Variants in ACTN4 observed in about 807,000 individuals in gnomAD.
ACTN4 encodes the protein alpha-actinin-4.
In ACTN4, 18 loss-of-function variants were observed where a neutral mutation model predicts 114.2. The observed-to-expected ratio is 0.16, with a 90% CI of 0.11 to 0.23. The LOEUF is 0.23. ACTN4 is among the 10% of genes least tolerant of loss of function. The pLI, the probability that ACTN4 is intolerant of heterozygous loss-of-function variation, is 1.00. For synonymous variants in ACTN4, 515 were observed against 506.3 expected (o/e 1.02, Z -0.23); for missense variants, 722 against 1,262.9 (o/e 0.57, Z 6.49).
At chr19:38,706,217 C>G in intron 5 of ACTN4, 86 bp downstream of exon 5, 2 of 1,431,032 alleles carry the variant, frequency 1.4e-6, no homozygotes. Flanking sequence ...GTGTTTTTGT[C>G]GTGGTCTGTG....
intron 3 of ACTN4, among the ~76,000 whole-genome samples, chr19:38,703,458 G>T (rs967596107): frequency 2.0e-5 from 3 of 151,330 alleles, no homozygotes; most frequent in African/African-American, 7.3e-5. Flanking sequence ...GGCTGGTCTC[G>T]AACTCCTGAC....
rs753703237 is a variant in ACTN4 at position 38,721,640 on chromosome 19, C to T, written c.1394C>T (p.Ala465Val). ...GAGGCCTTCGAGAGCGACCTGGCTG[C>T]GCACCAGGACCGCGTGGAGCAGATC... Reference protein sequence around the residue: ...KHEAFESDLAAHQDRVEQIAA... With the variant: ...KHEAFESDLAVHQDRVEQIAA... The change falls in exon 12 of 21, where the codon GCG (alanine) becomes GTG (valine). Residue 465 changes from alanine to valine, a missense_variant. Physicochemically the swap from Ala to Val is moderately conservative, Grantham distance 64. This residue lies in a region of ACTN4 where 523 missense variants were observed against 875.9 expected (regional missense o/e 0.60). Transcript: ENST00000252699. 8 of 1,613,828 alleles carry T rather than the reference C, an allele frequency of 5.0e-6. No individual in the cohort carries two copies. The highest frequency in any genetic ancestry group is 2.2e-5 in the South Asian group (2 of 91,092).
chr19:38,673,663 A>T (rs1280203054), intron 1 of ACTN4, among the ~76,000 whole-genome samples: 1 of 14,882 alleles, frequency 6.7e-5, no homozygotes. Context: ...ATTTATATAT[A>T]TTATATATAT....
intron 8 of ACTN4, among the ~76,000 whole-genome samples, chr19:38,713,828 C>T (rs1001527701): frequency 6.6e-6 from 1 of 152,182 alleles, no homozygotes; most frequent in African/African-American, 2.4e-5. Context: ...CCTGCCTCCT[C>T]TACACTGTTC....
rs142933812 is a variant in ACTN4, at chr19:38,730,711, C to T, written c.*1279C>T. ...GAGTACGCAGGCCAGAGTGGTCACC[C>T]GGCCGTGAGCAGTGAGGGCCAGAGA... On this transcript the variant is annotated 3_prime_UTR_variant, in exon 21 of 21. Coordinates refer to ENST00000252699, the MANE Select transcript of ACTN4 (RefSeq NM_004924.6). 4.5e-5 allele frequency: 47 copies of T among 1,041,738 alleles called. No individual in the cohort carries two copies. Among genetic ancestry groups the T allele is most frequent in the African/African-American group, 1.7e-4 (11 of 63,574 alleles). The allele number at this position is 1,041,738 out of a possible 1,614,324, so 64.5% of individuals were successfully genotyped here. A position where few individuals can be genotyped will look rare whatever the true frequency, so the allele number is the denominator to read the frequency against.
chr19:38,730,814 A>AC lies in ACTN4; in HGVS notation c.*1385dup. 1 of 1,550,078 alleles carries AC rather than the reference A, an allele frequency of 6.5e-7. No individual in the cohort carries two copies. Among genetic ancestry groups the AC allele is most frequent in the Non-Finnish European group, 8.7e-7 (1 of 1,146,860 alleles). ...CCTAGGGAGGTGGTCTTGCTCAGCA[A>AC]CCCTGCCCTGAGCAGCAGGTGCGCC... On this transcript the variant is annotated 3_prime_UTR_variant, in exon 21 of 21. Transcript: ENST00000252699.
rs151217393 is a variant in ACTN4, at chr19:38,675,960, C to T, written c.163-24640C>T. Among the ~76,000 whole-genome samples the T allele has an allele frequency of 3.9e-3, 594 of 152,336 alleles. 5 individuals are homozygous for T. Among genetic ancestry groups the T allele is most frequent in the African/African-American group, 0.014 (565 of 41,578 alleles). ...CTGTGAAGCCATGGACTCAGATTCTCAGCCTGGCCCTGCTACTTACTGTGG... is the reference window on the plus strand; with the variant it reads ...CTGTGAAGCCATGGACTCAGATTCTTAGCCTGGCCCTGCTACTTACTGTGG... On this transcript the variant is annotated intron_variant, in intron 1 of 20. Coordinates refer to ENST00000252699, the MANE Select transcript of ACTN4 (RefSeq NM_004924.6).
chr19:38,686,888 G>A (rs965923327), intron 1 of ACTN4, among the ~76,000 whole-genome samples: 7 of 151,990 alleles, frequency 4.6e-5, no homozygotes, highest in Admixed American at 3.3e-4. Flanking sequence ...ACCCCGGGCC[G>A]CCTATCCCCC....
rs755524840 is a variant in ACTN4, at chr19:38,729,014, C to T, written c.2437C>T (p.Arg813Cys). ...NDRQGEAEFN[R>C]IMSLVDPNHS... ...CTTGCAGGGTGAGGCCGAGTTCAAC[C>T]GCATCATGAGCCTGGTCGACCCCAA... is the stretch of plus-strand genomic sequence containing the variant. The change falls in exon 20 of 21, where the codon CGC (arginine) becomes TGC (cysteine). Residue 813 changes from arginine (R) to cysteine (C), a missense_variant. Transcript: ENST00000252699. 3.7e-6 allele frequency: 6 copies of T among 1,613,240 alleles called. No homozygotes were observed. The highest frequency in any genetic ancestry group is 2.2e-5 in the South Asian group (2 of 91,084).
At position 38,730,376 on chromosome 19, in the gene ACTN4, G is replaced by A. The variant is rs1335409966; in HGVS notation, c.*944G>A. On this transcript the variant is annotated 3_prime_UTR_variant, in exon 21 of 21. Coordinates refer to ENST00000252699, the MANE Select transcript of ACTN4 (RefSeq NM_004924.6). ...GGGTCTCTGGGGACCCTCCAGAGGT[G>A]GAGGTGGGCTGATGGCCTGGCTGCC... 5.3e-6 allele frequency: 1 copy of A among 189,664 alleles called. No homozygotes were observed. Among genetic ancestry groups the A allele is most frequent in the Admixed American group, 5.4e-5 (1 of 18,598 alleles). The allele number at this position is 189,664 out of a possible 1,614,324, so 11.7% of individuals were successfully genotyped here. A position where few individuals can be genotyped will look rare whatever the true frequency, so the allele number is the denominator to read the frequency against.
chr19:38,707,850 C>T (rs1048284581), intron 5 of ACTN4, among the ~76,000 whole-genome samples: 3 of 152,214 alleles, frequency 2.0e-5, no homozygotes, highest in African/African-American at 7.2e-5. Context: ...ATGTCACTAT[C>T]CCCATCATAC....
At position 38,727,300 on chromosome 19, in the gene ACTN4, G is replaced by A. The variant is rs749983159; in HGVS notation, c.2337+197G>A. Among the ~76,000 whole-genome samples the A allele has an allele frequency of 2.6e-5, 4 of 152,134 alleles. No individual in the cohort carries two copies. Among genetic ancestry groups the A allele is most frequent in the Admixed American group, 6.5e-5 (1 of 15,280 alleles). The stretch of plus-strand genomic sequence containing the variant: ...GACCCCAGCCTGGGCCACTTCACAC[G>A]CACAGGCAGGGGGCCGGAGGTCCCA... On this transcript the variant is annotated intron_variant, in intron 18 of 20. Transcript: ENST00000252699. This position sits in a 1 kb window ranked among gnomAD's most constrained non-coding sequence, Gnocchi z 5.4.
chr19:38,665,531 G>A (rs1178843185), intron 1 of ACTN4, among the ~76,000 whole-genome samples: 3 of 152,280 alleles, frequency 2.0e-5, no homozygotes, highest in Non-Finnish European at 4.4e-5. Flanking sequence ...AGCTCAGTGG[G>A]AAACCAAAAC....
At chr19:38,663,225 A>C (rs934541959) in intron 1 of ACTN4, among the ~76,000 whole-genome samples, 1 of 152,136 alleles carries the variant, frequency 6.6e-6, no homozygotes, top group Admixed American at 6.6e-5. Flanking sequence ...TTTATAGCCA[A>C]CCGGCTTCTT....
At chr19:38,667,420 G>A (rs1332048065) in intron 1 of ACTN4, among the ~76,000 whole-genome samples, 1 of 152,056 alleles carries the variant, frequency 6.6e-6, no homozygotes, top group Non-Finnish European at 1.5e-5. Context: ...CACAAGGGGT[G>A]GGGGGTGTCT....
chr19:38,701,343 A>G (rs1214580594), intron 3 of ACTN4, among the ~76,000 whole-genome samples: 3 of 151,918 alleles, frequency 2.0e-5, no homozygotes. Context: ...GGCGCAGTCC[A>G]AATCTAGGAA....
intron 1 of ACTN4, among the ~76,000 whole-genome samples, chr19:38,659,633 C>T (rs1284154952): frequency 6.6e-6 from 1 of 152,196 alleles, no homozygotes; most frequent in African/African-American, 2.4e-5. Flanking sequence ...CTTTAATAAA[C>T]AAGCACAAAG....
rs116858385 is a variant in ACTN4, at chr19:38,697,818, T to A, written c.163-2782T>A. Among the ~76,000 whole-genome samples the A allele has an allele frequency of 7.7e-3, 1,169 of 152,316 alleles. 51 individuals carry two copies. The highest frequency in any genetic ancestry group is 0.064 in the Admixed American group (974 of 15,300). On this transcript the variant is annotated intron_variant, in intron 1 of 20. Transcript: ENST00000252699. ...CCAGCAGTGCCTGCTCTCAGGCACA[T>A]GTGAGAGTAGAGGCCTAGCATCCGT...
intron 1 of ACTN4, among the ~76,000 whole-genome samples, chr19:38,661,336 T>G (rs1447802463): frequency 6.6e-6 from 1 of 152,192 alleles, no homozygotes; most frequent in Non-Finnish European, 1.5e-5. Context: ...GCTGCAGTTA[T>G]CTCTGTGATG....
Sources: gnomAD v4.1 joint callset for allele counts (sites outside exome capture counted in the v4.1 genomes callset) on GRCh38, gnomAD v4.1.1 for gene constraint, gnomAD v4.1.1 regional missense constraint, Gnocchi (gnomAD v3.1) non-coding constraint, MANE v1.5 for transcripts, NCBI Gene and HGNC (gene_info 2026-07-23, HGNC 2026-07-21) for gene names.